DAP: variants seen among roughly 807,000 people sequenced by gnomAD.
DAP encodes the protein death associated protein.
In DAP, 8 loss-of-function variants were observed where a neutral mutation model predicts 13.8. That is an observed-to-expected ratio of 0.58 (90% CI 0.34 to 1.05). DAP has a LOEUF of 1.05. DAP is among the 50% of genes least tolerant of loss of function. DAP has a pLI of 0.03. For synonymous variants in DAP, 47 were observed against 47.5 expected (o/e 0.99, Z 0.04); for missense variants, 106 against 133.2 (o/e 0.80, Z 1.01).
At chr5:10,755,861 G>A (rs569349204) in intron 1 of DAP, among the ~76,000 whole-genome samples, 1 of 152,334 alleles carries the variant, frequency 6.6e-6, no homozygotes, top group South Asian at 2.1e-4. Flanking sequence ...AAAATGGCTA[G>A]GGAAGGCTGG....
chr5:10,721,358 G>A (rs185140346), intron 2 of DAP, among the ~76,000 whole-genome samples: 10 of 152,252 alleles, frequency 6.6e-5, no homozygotes, highest in African/African-American at 2.2e-4. Context: ...GGAGGAACGC[G>A]GCTACCAGGA....
At chr5:10,731,750 G>A (rs1422409535) in intron 2 of DAP, among the ~76,000 whole-genome samples, 3 of 152,338 alleles carry the variant, frequency 2.0e-5, no homozygotes, top group Admixed American at 6.5e-5. Context: ...GGCTTCTGGC[G>A]AAGCTTTACT....
chr5:10,702,917 T>C (rs1439171823), intron 2 of DAP, among the ~76,000 whole-genome samples: 1 of 152,184 alleles, frequency 6.6e-6, no homozygotes, highest in Non-Finnish European at 1.5e-5. Flanking sequence ...GACAGTAACA[T>C]GCAGACAGAT....
At chr5:10,746,617 AC>A (rs1739913284) in intron 2 of DAP, among the ~76,000 whole-genome samples, 1 of 152,142 alleles carries the variant, frequency 6.6e-6, no homozygotes, top group Non-Finnish European at 1.5e-5. Context: ...GGCGTGAGAC[AC>A]CGTGCCCGGA....
Position 10,721,414 on chromosome 5 carries a change from C to T in DAP, c.152+26761G>A, listed in dbSNP as rs916666079. ...AAACTTGAAGTTAAGATTGCCTGGACACTTTGGGCTCTTATTACCTTAAGT... is the reference window on the plus strand; with the variant it reads ...AAACTTGAAGTTAAGATTGCCTGGATACTTTGGGCTCTTATTACCTTAAGT... On this transcript the variant is annotated intron_variant, in intron 2 of 3. Transcript: ENST00000230895. Among the ~76,000 whole-genome samples, 101 of 152,260 alleles carry T rather than the reference C, an allele frequency of 6.6e-4. 1 individual carries two copies. The highest frequency in any genetic ancestry group is 2.2e-3 in the African/African-American group (93 of 41,550).
intron 2 of DAP, among the ~76,000 whole-genome samples, chr5:10,721,116 C>T (rs1014024683): frequency 9.9e-5 from 15 of 152,142 alleles, no homozygotes; most frequent in Admixed American, 5.2e-4. Flanking sequence ...AACTAGGTGA[C>T]AATACTTTGT....
intron 2 of DAP, among the ~76,000 whole-genome samples, chr5:10,743,516 C>T (rs1331494583): frequency 6.6e-6 from 1 of 152,168 alleles, no homozygotes. Context: ...AGTGACCAAA[C>T]CCGTTCTTTT....
Position 10,680,635 on chromosome 5 carries a change from T to C in DAP, c.*421A>G. The C allele has an allele frequency of 8.8e-7, 1 of 1,141,676 alleles. No individual in the cohort carries two copies. Among genetic ancestry groups the C allele is most frequent in the Non-Finnish European group, 1.2e-6 (1 of 816,312 alleles). 70.7% of individuals were successfully genotyped at this position (1,141,676 alleles called of 1,614,324 possible). A position where few individuals can be genotyped will look rare whatever the true frequency, so the allele number is the denominator to read the frequency against. ...CTTAGTTCTTACTCTCCCACAGGTG[T>C]TGAGATTTTATTGGCCCATACTAAA... On this transcript the variant is annotated 3_prime_UTR_variant, in exon 4 of 4. Coordinates refer to ENST00000230895, the MANE Select transcript of DAP (RefSeq NM_004394.3).
At chr5:10,683,065 T>G (rs1579781227) in intron 3 of DAP, 2 of 224,560 alleles carry the variant, frequency 8.9e-6, no homozygotes, top group South Asian at 5.6e-5. Context: ...CAGGGTGGGG[T>G]CCACATGGGC....
intron 2 of DAP, among the ~76,000 whole-genome samples, chr5:10,703,308 G>C (rs182225393): frequency 6.6e-6 from 1 of 152,336 alleles, no homozygotes; most frequent in Admixed American, 6.5e-5. Context: ...CGTAATCCAA[G>C]TGTAGGCTGT....
At chr5:10,691,943 T>A (rs1738319246) in intron 2 of DAP, among the ~76,000 whole-genome samples, 1 of 152,200 alleles carries the variant, frequency 6.6e-6, no homozygotes, top group South Asian at 2.1e-4. Context: ...TTGCTATTAC[T>A]TATTTTCTAA....
chr5:10,736,626 T>C (rs1391451310), intron 2 of DAP, among the ~76,000 whole-genome samples: 2 of 152,252 alleles, frequency 1.3e-5, no homozygotes, highest in Non-Finnish European at 2.9e-5. Flanking sequence ...ACTCCCTTGC[T>C]GGCACATAAA....
chr5:10,700,001 G>A (rs916369273), intron 2 of DAP, among the ~76,000 whole-genome samples: 1 of 152,232 alleles, frequency 6.6e-6, no homozygotes, highest in Non-Finnish European at 1.5e-5. Context: ...CTGCGACCCT[G>A]AGGGCCCCTC....
chr5:10,720,683 G>A (rs756991006), intron 2 of DAP, among the ~76,000 whole-genome samples: 5 of 152,198 alleles, frequency 3.3e-5, no homozygotes, highest in Non-Finnish European at 7.3e-5. Context: ...ACTGCTGAGT[G>A]CCCAATTTGC....
intron 2 of DAP, among the ~76,000 whole-genome samples, chr5:10,740,968 T>C (rs1739738846): frequency 6.6e-6 from 1 of 152,200 alleles, no homozygotes; most frequent in Non-Finnish European, 1.5e-5. Flanking sequence ...TAGCCAGTGG[T>C]GTGTTGGAGC....
At chr5:10,706,418 G>A (rs1278493257) in intron 2 of DAP, among the ~76,000 whole-genome samples, 4 of 152,232 alleles carry the variant, frequency 2.6e-5, no homozygotes, top group African/African-American at 9.6e-5. Context: ...TACACAGTGA[G>A]TAAGAGGAGA....
chr5:10,743,906 T>C (rs1739833017), intron 2 of DAP, among the ~76,000 whole-genome samples: 1 of 152,236 alleles, frequency 6.6e-6, no homozygotes, highest in Admixed American at 6.5e-5. Context: ...TATATTTTTT[T>C]TAACACAGCA....
chr5:10,687,392 G>A (rs1738182289), intron 2 of DAP, among the ~76,000 whole-genome samples: 1 of 152,182 alleles, frequency 6.6e-6, no homozygotes, highest in East Asian at 1.9e-4. Flanking sequence ...TACTACTATA[G>A]ATGCCACTAA....
At chr5:10,743,889 T>C (rs1739832433) in intron 2 of DAP, among the ~76,000 whole-genome samples, 1 of 152,218 alleles carries the variant, frequency 6.6e-6, no homozygotes, top group Admixed American at 6.5e-5. Flanking sequence ...CATTTTCACA[T>C]TTTGGCTATA....
Sources: allele counts gnomAD v4.1 joint callset (sites outside exome capture counted in the v4.1 genomes callset), GRCh38; gene constraint gnomAD v4.1.1; transcripts MANE v1.5; gene names NCBI Gene and HGNC (gene_info 2026-07-23, HGNC 2026-07-21).